SAMD5: variants seen among roughly 807,000 people sequenced by gnomAD.
The protein encoded by SAMD5 is sterile alpha motif domain containing 5.
In SAMD5, 13 loss-of-function variants were observed where a neutral mutation model predicts 11.3. The ratio of observed to expected loss-of-function variants is 1.15; its 90% CI spans 0.75 to 1.83. The LOEUF (loss-of-function observed/expected upper bound fraction) is 1.83. Among genes scored for constraint, SAMD5 ranks in the 40% most tolerant of loss-of-function variants. The probability of loss-of-function intolerance (pLI) is 0.00; values close to 1 mark genes in which losing one functional copy is unlikely to be tolerated. For missense variants in SAMD5, 255 were observed against 239.1 expected, an observed-to-expected ratio of 1.07 and a Z score of -0.44; for synonymous variants, 129 against 111.3, an observed-to-expected ratio of 1.16 and a Z score of -1.00.
chr6:147,680,236 G>A (rs1790922322), intron 1 of SAMD5, among the ~76,000 whole-genome samples: 1 of 151,724 alleles, frequency 6.6e-6, no homozygotes, highest in Non-Finnish European at 1.5e-5. Flanking sequence ...AGATATAAAT[G>A]TGCAGGTCTT....
At chr6:147,610,014 G>C (rs1198276294) in intron 1 of SAMD5, among the ~76,000 whole-genome samples, 15 of 152,026 alleles carry the variant, frequency 9.9e-5, no homozygotes, top group Non-Finnish European at 2.1e-4. Context: ...TCAAACAGTT[G>C]GGAAAATAGC....
intron 1 of SAMD5, among the ~76,000 whole-genome samples, chr6:147,716,216 A>C (rs542388325): frequency 6.6e-6 from 1 of 151,988 alleles, no homozygotes; most frequent in Non-Finnish European, 1.5e-5. Flanking sequence ...TCACCCCCCA[A>C]AGTCCAGAGG....
the SAMD5 span, among the ~76,000 whole-genome samples, chr6:147,883,215 C>T: frequency 5.3e-5 from 8 of 152,104 alleles, no homozygotes; most frequent in Non-Finnish European, 7.4e-5. Flanking sequence ...TTCATTTATA[C>T]CAGAGTCTAG....
chr6:147,656,596 G>A (rs909211141), intron 1 of SAMD5, among the ~76,000 whole-genome samples: 1 of 152,128 alleles, frequency 6.6e-6, no homozygotes, highest in Non-Finnish European at 1.5e-5. Context: ...TGCACAGAAA[G>A]ACAACATATG....
chr6:147,904,519 A>G, the SAMD5 span, among the ~76,000 whole-genome samples: 1 of 152,212 alleles, frequency 6.6e-6, no homozygotes, highest in Non-Finnish European at 1.5e-5. Flanking sequence ...TGTTTGAACC[A>G]TTACAGTGTG....
chr6:147,950,557 C>A, the SAMD5 span, among the ~76,000 whole-genome samples: 24 of 152,282 alleles, frequency 1.6e-4, no homozygotes, highest in East Asian at 4.6e-3. Flanking sequence ...TCACCCTGTA[C>A]CCAGGCTGTC....
At chr6:147,572,282 A>G (rs982221900), downstream of SAMD5, among the ~76,000 whole-genome samples, 1 of 152,044 alleles carries the variant, frequency 6.6e-6, no homozygotes, top group Non-Finnish European at 1.5e-5. Flanking sequence ...TACATGGGAA[A>G]CCAAGTTTCT....
chr6:147,759,567 TTATACA>T, the SAMD5 span, among the ~76,000 whole-genome samples: 22 of 150,362 alleles, frequency 1.5e-4, no homozygotes, highest in Non-Finnish European at 2.8e-4. Flanking sequence ...TATGTATAAC[TTATACA>T]TATATTATTT....
At chr6:147,862,861 GTTTTTTTTTGTGGTCAGAT>G in the SAMD5 span, among the ~76,000 whole-genome samples, 1 of 150,904 alleles carries the variant, frequency 6.6e-6, no homozygotes, top group Non-Finnish European at 1.5e-5. Flanking sequence ...TAGAAAGGAG[GTTTTTTTTTGTGGTCAGAT>G]TTTAGTCTGA....
At chr6:147,918,225 C>T in the SAMD5 span, among the ~76,000 whole-genome samples, 2 of 152,090 alleles carry the variant, frequency 1.3e-5, no homozygotes, top group Non-Finnish European at 2.9e-5. Flanking sequence ...TGTTTGTATC[C>T]TCTTTTATTT....
the SAMD5 span, among the ~76,000 whole-genome samples, chr6:147,814,778 G>A: frequency 6.6e-6 from 1 of 152,110 alleles, no homozygotes; most frequent in Non-Finnish European, 1.5e-5. Flanking sequence ...ATTTCCTTTA[G>A]CCTCTTTTTT....
the SAMD5 span, among the ~76,000 whole-genome samples, chr6:147,745,655 TC>T: frequency 1.1e-4 from 17 of 152,172 alleles, no homozygotes; most frequent in African/African-American, 4.1e-4. Flanking sequence ...GTGCACACTG[TC>T]CAGGTGCATT....
chr6:147,656,785 C>T (rs1893858), intron 1 of SAMD5, among the ~76,000 whole-genome samples: 13,565 of 152,076 alleles, frequency 0.089, 896 homozygotes, highest in East Asian at 0.26. Context: ...GGTACCATTC[C>T]TATGAAGGAG....
At chr6:147,748,523 G>A in the SAMD5 span, among the ~76,000 whole-genome samples, 4 of 152,162 alleles carry the variant, frequency 2.6e-5, no homozygotes, top group South Asian at 8.3e-4. Context: ...TCATTATTAT[G>A]CATAAGGCCA....
chr6:147,588,276 A>G (rs189471694), intron 1 of SAMD5, among the ~76,000 whole-genome samples: 2 of 150,922 alleles, frequency 1.3e-5, no homozygotes, highest in African/African-American at 4.9e-5. Context: ...CACAATATGA[A>G]TAATATCGGC....
the SAMD5 span, among the ~76,000 whole-genome samples, chr6:147,874,051 C>A: frequency 2.6e-5 from 4 of 152,194 alleles, no homozygotes; most frequent in Non-Finnish European, 5.9e-5. Context: ...TAGGAGAAAT[C>A]TGTCTCAGCT....
intron 1 of SAMD5, among the ~76,000 whole-genome samples, chr6:147,558,705 C>T (rs1324906332): frequency 6.6e-6 from 1 of 152,064 alleles, no homozygotes; most frequent in Non-Finnish European, 1.5e-5. Flanking sequence ...TCCCGCCCTC[C>T]CTCACTCACC....
chr6:147,582,554 G>A (rs891485989), intron 1 of SAMD5, among the ~76,000 whole-genome samples: 11 of 152,144 alleles, frequency 7.2e-5, no homozygotes, highest in Non-Finnish European at 1.3e-4. Context: ...ATTTGAAGTC[G>A]GCATGGGGCT....
chr6:147,724,420 T>C (rs912475491), intron 1 of SAMD5, among the ~76,000 whole-genome samples: 3 of 152,216 alleles, frequency 2.0e-5, no homozygotes, highest in Non-Finnish European at 4.4e-5. Context: ...AATTAACCTG[T>C]CACAAATAAA....
Sources: allele counts gnomAD v4.1 joint callset (sites outside exome capture counted in the v4.1 genomes callset), GRCh38; gene constraint gnomAD v4.1.1; transcripts MANE v1.5; gene names NCBI Gene and HGNC (gene_info 2026-07-23, HGNC 2026-07-21).